Variants in LYST observed in about 807,000 individuals in gnomAD.
The protein encoded by LYST is lysosomal-trafficking regulator.
LYST carries 192 observed loss-of-function variants against 413.6 expected under a neutral mutation model. The ratio of observed to expected loss-of-function variants is 0.46; its 90% CI spans 0.41 to 0.52. LYST has a LOEUF of 0.52. LYST is among the 20% of genes least tolerant of loss of function. The probability of loss-of-function intolerance (pLI) is 0.00; values close to 1 mark genes in which losing one functional copy is unlikely to be tolerated. For synonymous variants in LYST, 1,525 were observed against 1,567.3 expected, an observed-to-expected ratio of 0.97 and a Z score of 0.64; for missense variants, 3,815 against 4,499.9, an observed-to-expected ratio of 0.85 and a Z score of 4.35.
chr1:235,874,048 AG>A, intron 1 of LYST, among the ~76,000 whole-genome samples: 1 of 152,246 alleles, frequency 6.6e-6, no homozygotes, highest in East Asian at 1.9e-4. Flanking sequence ...ACAGTTGAAA[AG>A]GGTGACTCAG....
chr1:235,730,103 A>T lies in LYST; in HGVS notation c.9045-446T>A, dbSNP rs533605885. Among the ~76,000 whole-genome samples the T allele has an allele frequency of 1.2e-4, 18 of 151,994 alleles. No homozygotes were observed. In the South Asian group the frequency reaches 1.7e-3, roughly 14 times the overall value. On this transcript the variant is annotated intron_variant, in intron 36 of 52. Transcript: ENST00000389793. Reference sequence around the variant, plus strand: ...AAGGTAATTTATCAAATACATTTTTAAAAAAGCCTAGTATTCTAGGAAAAA... The same window carrying T: ...AAGGTAATTTATCAAATACATTTTTTAAAAAGCCTAGTATTCTAGGAAAAA...
At chr1:235,874,546 T>C (rs1572511408) in intron 1 of LYST, among the ~76,000 whole-genome samples, 1 of 152,232 alleles carries the variant, frequency 6.6e-6, no homozygotes, top group East Asian at 1.9e-4. Flanking sequence ...CAGTTTTTCC[T>C]AATATTTTAA....
chr1:235,697,261 T>G lies in LYST; in HGVS notation c.10386A>C (p.Ser3462=). The change falls in exon 46 of 53, where the codon TCA becomes TCC. Residue 3462 remains serine (S), a synonymous_variant. Transcript: ENST00000389793. ...VKEITYPSPL[S]WIKGLKWGEY... ...CCCCCCATTTCAAGCCTTTTATCCA[T>G]GACAAAGGACTCTAAAATGAAGAAA... 6.2e-7 allele frequency: 1 copy of G among 1,613,282 alleles called. No homozygotes were observed. The highest frequency in any genetic ancestry group is 1.1e-5 in the South Asian group (1 of 91,036).
intron 50 of LYST, among the ~76,000 whole-genome samples, chr1:235,666,355 CACAA>C (rs937981942): frequency 2.0e-5 from 3 of 151,354 alleles, no homozygotes; most frequent in Admixed American, 6.6e-5. Flanking sequence ...ATAAGCCAGA[CACAA>C]ACAGACAGGT....
At chr1:235,787,450 AT>A (rs1470978195) in intron 13 of LYST, 77 bp from the exon 14 acceptor site, 54 of 1,105,716 alleles carry the variant, frequency 4.9e-5, no homozygotes, top group Non-Finnish European at 7.4e-5. Flanking sequence ...TATAGTAACT[AT>A]AATTCTAAAT....
At chr1:235,677,704 G>T in intron 48 of LYST, 85 bp from the exon 49 acceptor site, 2 of 964,750 alleles carry the variant, frequency 2.1e-6, no homozygotes, top group Non-Finnish European at 3.3e-6. Flanking sequence ...CAACCAAAGT[G>T]ACTCAAATGG....
chr1:235,687,246 G>A (rs1660291295), intron 47 of LYST, among the ~76,000 whole-genome samples, 199 bp from the exon 48 acceptor site: 2 of 152,062 alleles, frequency 1.3e-5, no homozygotes. Context: ...TGAGCCAAAT[G>A]TCTAAATGTT....
At chr1:235,870,486 G>A (rs990586674), upstream of LYST, among the ~76,000 whole-genome samples, 7 of 152,144 alleles carry the variant, frequency 4.6e-5, no homozygotes, top group South Asian at 2.1e-4. Context: ...GTGTGGCTGC[G>A]CGGGAGTCTC....
At chr1:235,705,740 G>A (rs1002215651) in intron 44 of LYST, among the ~76,000 whole-genome samples, 19 of 151,690 alleles carry the variant, frequency 1.3e-4, no homozygotes, top group African/African-American at 4.6e-4. Flanking sequence ...GATGGTTCAG[G>A]ATTATAAACA....
intron 3 of LYST, among the ~76,000 whole-genome samples, chr1:235,816,459 A>AAT (rs1338790747): frequency 8.0e-5 from 9 of 113,090 alleles, no homozygotes; most frequent in African/African-American, 4.3e-4. Context: ...TAAATAAATA[A>AAT]AAAATAAAAA....
At chr1:235,856,470 C>T (rs1007805839) in intron 1 of LYST, among the ~76,000 whole-genome samples, 5 of 152,136 alleles carry the variant, frequency 3.3e-5, no homozygotes, top group African/African-American at 1.2e-4. Flanking sequence ...ACTAGATGAT[C>T]TCTAAATGCC....
chr1:235,746,492 G>A lies in LYST; in HGVS notation c.7816C>T (p.Leu2606Phe). ...RKFPLAQTES[L>F]LMKMRSVAND... The stretch of plus-strand genomic sequence containing the variant: ...GCCACTGAACGCATTTTCATCAGAA[G>A]CGATTCAGTTTGAGCAAGGGGAAAT... The change falls in exon 29 of 53, where the codon CTT becomes TTT. Residue 2606 changes from leucine to phenylalanine, a missense_variant. This residue lies in a region of LYST where 771 missense variants were observed against 837.1 expected (regional missense o/e 0.92). Transcript: ENST00000389793. The A allele has an allele frequency of 6.2e-7, 1 of 1,613,742 alleles. No individual in the cohort carries two copies. The highest frequency in any genetic ancestry group is 8.5e-7 in the Non-Finnish European group (1 of 1,179,814).
intron 43 of LYST, among the ~76,000 whole-genome samples, chr1:235,710,665 A>C (rs1191298146): frequency 6.6e-6 from 1 of 152,224 alleles, no homozygotes; most frequent in Non-Finnish European, 1.5e-5. Flanking sequence ...CTCCATCACA[A>C]GGCAAAGTCT....
In LYST at chr1:235,751,352, A is replaced by C. The variant is rs889851928; in HGVS notation, c.7638T>G (p.Val2546=). 6.2e-7 allele frequency: 1 copy of C among 1,613,160 alleles called. No individual in the cohort carries two copies. The highest frequency in any genetic ancestry group is 8.5e-7 in the Non-Finnish European group (1 of 1,179,442). The part of the protein sequence containing the change: ...SKNKRTQNMA[V]ALQLRVLQAA... ...CCTGGAGAACTCTAAGCTGTAGTGC[A>C]ACAGCCATATCTAAAAACAGAAGAT... Residue 2546 remains valine, a synonymous_variant, in exon 28 of 53, where the codon GTT becomes GTG. Transcript: ENST00000389793.
chr1:235,813,609 G>A (rs555921124), intron 3 of LYST, among the ~76,000 whole-genome samples: 3 of 152,150 alleles, frequency 2.0e-5, no homozygotes, highest in Non-Finnish European at 4.4e-5. Flanking sequence ...ACCCTTTCTG[G>A]AGGATATGGT....
chr1:235,693,281 C>T (rs953763775), intron 47 of LYST, 69 bp downstream of exon 47: 3 of 1,212,170 alleles, frequency 2.5e-6, no homozygotes, highest in South Asian at 2.5e-5. Flanking sequence ...TGTCACTGCG[C>T]TCCAGCTTGG....
At chr1:235,816,111 A>C (rs1674036845) in intron 3 of LYST, among the ~76,000 whole-genome samples, 2 of 115,926 alleles carry the variant, frequency 1.7e-5, no homozygotes, top group Non-Finnish European at 3.6e-5. Context: ...GCCTGGCAAC[A>C]AAGTGAGACT....
At position 235,806,759 on chromosome 1, in the gene LYST, A is replaced by T; in HGVS notation, c.2377T>A (p.Leu793Met). Residue 793 changes from leucine (L) to methionine (M), a missense_variant, in exon 6 of 53, where the codon TTG (leucine) becomes ATG (methionine). Transcript: ENST00000389793. ...CTTACTCCATTACAACTCAAAAACA[A>T]ATCTCTTATTACCCTGTGAAAGAAA... Reference protein sequence around the residue: ...ILLKSRVIRDLFLSCNGVSQI... With the variant: ...ILLKSRVIRDMFLSCNGVSQI... The T allele has an allele frequency of 1.2e-6, 2 of 1,610,110 alleles. 1 individual carries two copies. The highest frequency in any genetic ancestry group is 2.2e-5 in the South Asian group (2 of 90,976).
At chr1:235,830,180 A>G in intron 3 of LYST, 46 bp downstream of exon 3, 1 of 1,397,474 alleles carries the variant, frequency 7.2e-7, no homozygotes, top group Non-Finnish European at 1.0e-6. Context: ...GCTACAGTTA[A>G]CTATCATATA....
Sources: gnomAD v4.1 joint callset for allele counts (sites outside exome capture counted in the v4.1 genomes callset) on GRCh38, gnomAD v4.1.1 for gene constraint, gnomAD v4.1.1 regional missense constraint, MANE v1.5 for transcripts, NCBI Gene and HGNC (gene_info 2026-07-23, HGNC 2026-07-21) for gene names.